PLEKHG5: variants seen among roughly 807,000 people sequenced by gnomAD.
The protein encoded by PLEKHG5 is pleckstrin homology and RhoGEF domain containing G5, also known as pleckstrin homology domain-containing family G member 5.
Under a neutral mutation model 103.8 loss-of-function variants are expected in PLEKHG5, and 52 were observed. That is an observed-to-expected ratio of 0.50 (90% confidence interval 0.40 to 0.63). PLEKHG5 has a LOEUF of 0.63. PLEKHG5 is among the 30% of genes least tolerant of loss of function. PLEKHG5 has a pLI of 0.00. For synonymous variants in PLEKHG5, 592 were observed against 575.5 expected (o/e 1.03, Z -0.41); for missense variants, 1,205 against 1,347.6 (o/e 0.89, Z 1.66).
upstream of PLEKHG5, chr1:6,520,034 G>C (rs1242125551): frequency 9.5e-6 from 2 of 210,608 alleles, no homozygotes; most frequent in Non-Finnish European, 1.9e-5. Context: ...GCCAGGCAGA[G>C]AGGGGCTGGT....
chr1:6,476,059 T>C, intron 2 of PLEKHG5, 23 bp from the exon 3 acceptor site: 1 of 1,599,356 alleles, frequency 6.3e-7, no homozygotes, highest in South Asian at 1.1e-5. Context: ...CAGGAGAGGG[T>C]TGTGCCTCCC....
At position 6,516,529 on chromosome 1, in the gene PLEKHG5, CAT is replaced by C. The variant is rs1557774535; in HGVS notation, c.-165+2914_-165+2915del. ...AAAATTAGCTGGACGTGGTGGCGGG[CAT>C]CTGTAATCCCAGCTACTGGGGAGGC... On this transcript the variant is annotated intron_variant, in intron 1 of 21. Coordinates refer to the PLEKHG5 transcript ENST00000377740. 6.6e-5 allele frequency among the ~76,000 whole-genome samples: 10 copies of C among 151,152 alleles called. No homozygotes were observed. The South Asian group carries it at 1.7e-3, about 25-fold the overall frequency.
intron 1 of PLEKHG5, chr1:6,485,434 C>T: frequency 7.7e-7 from 1 of 1,290,938 alleles, no homozygotes; most frequent in Non-Finnish European, 9.8e-7. Context: ...ACACCGGGTC[C>T]TGTCCCCATG....
chr1:6,513,979 T>C (rs1474077611), intron 1 of PLEKHG5, among the ~76,000 whole-genome samples: 1 of 152,174 alleles, frequency 6.6e-6, no homozygotes, highest in Non-Finnish European at 1.5e-5. Flanking sequence ...GAGCCTCCCA[T>C]ATGGGCCTGG....
chr1:6,516,518 G>A (rs990131210), intron 1 of PLEKHG5, among the ~76,000 whole-genome samples: 38 of 151,684 alleles, frequency 2.5e-4, no homozygotes, highest in Middle Eastern at 6.8e-3. Context: ...TTAGCTGGAC[G>A]TGGTGGCGGG....
At position 6,468,304 on chromosome 1, in the gene PLEKHG5, T is replaced by G. The variant is rs1277297144; in HGVS notation, c.2532A>C (p.Pro844=). The change falls in exon 20 of 21, where the codon CCA becomes CCC. Residue 844 remains proline, a synonymous_variant. Transcript: ENST00000377728. ...GAGGGGAAGGAACTCGTGGGGACTC[T>G]GGGGCCCGAGGCACTAGCTCTGCCA... ...GPMAELVPRA[P]ESPRVPSPPP... 2 of 1,609,418 alleles carry G rather than the reference T, an allele frequency of 1.2e-6. No homozygotes were observed. Among genetic ancestry groups the G allele is most frequent in the East Asian group, 2.2e-5 (1 of 44,742 alleles).
At chr1:6,470,939 G>GT (rs1644556096) in intron 13 of PLEKHG5, 51 bp downstream of exon 13, 4 of 1,103,050 alleles carry the variant, frequency 3.6e-6, no homozygotes, top group Non-Finnish European at 5.2e-6. Context: ...ACCCGGCCCC[G>GT]TCCAGGGTCC....
chr1:6,514,794 G>A (rs879501148), intron 1 of PLEKHG5, among the ~76,000 whole-genome samples: 4 of 150,880 alleles, frequency 2.7e-5, no homozygotes, highest in Admixed American at 6.6e-5. Context: ...TTGGCCAGCC[G>A]CGGTGGCTCA....
At chr1:6,502,512 A>G (rs1188479398) in intron 1 of PLEKHG5, among the ~76,000 whole-genome samples, 1 of 152,016 alleles carries the variant, frequency 6.6e-6, no homozygotes, top group Non-Finnish European at 1.5e-5. Flanking sequence ...GGCCCAAGAA[A>G]CTGTCCACAC....
At position 6,491,663 on chromosome 1, in the gene PLEKHG5, G is replaced by A. The variant is rs1009385957; in HGVS notation, c.-114C>T. ...TCCTGCCCGTCCCTTCTCCATGGGG[G>A]CCTCAGGTCCACCCTTTCCTCTCCC... On this transcript the variant is annotated 5_prime_UTR_variant, in exon 1 of 21. Transcript: ENST00000377728. The surrounding 1 kb of genome is among the most constrained non-coding windows in gnomAD (Gnocchi z 4.1). 1.1e-5 allele frequency: 11 copies of A among 985,314 alleles called. No individual in the cohort carries two copies. Among genetic ancestry groups the A allele is most frequent in the Non-Finnish European group, 1.1e-5 (9 of 830,010 alleles). 61.0% of individuals were successfully genotyped at this position (985,314 alleles called of 1,614,324 possible).
chr1:6,474,949 C>A, intron 5 of PLEKHG5, 98 bp downstream of exon 5: 2 of 838,786 alleles, frequency 2.4e-6, no homozygotes, highest in Non-Finnish European at 4.2e-6. Context: ...GGCCACCACA[C>A]AGACACACAC....
At chr1:6,496,687 G>C in exon 1 of PLEKHG5, 2 of 679,266 alleles carry the variant, frequency 2.9e-6, no homozygotes, top group Non-Finnish European at 4.7e-6. Flanking sequence ...TTCAAAAGAG[G>C]TCAGCGTCCC....
In PLEKHG5 at chr1:6,467,259, G is replaced by T; in HGVS notation, c.*304C>A. On this transcript the variant is annotated 3_prime_UTR_variant, in exon 21 of 21. Coordinates refer to ENST00000377728, the MANE Select transcript of PLEKHG5 (RefSeq NM_020631.6). ...CAGGAGTGAATCCCACTGGAGGCCA[G>T]TGAGGGTAGAAGTAGGATGGGCAGC... 1 of 553,046 alleles carries T rather than the reference G, an allele frequency of 1.8e-6. No individual in the cohort carries two copies. The highest frequency in any genetic ancestry group is 3.3e-6 in the Non-Finnish European group (1 of 303,882). 34.3% of individuals were successfully genotyped at this position (553,046 alleles called of 1,614,324 possible).
In PLEKHG5 at chr1:6,505,292, A is replaced by ATGCCGACCAGCCTACGG. The variant is rs1638280650; in HGVS notation, c.-164-8740_-164-8724dup. On this transcript the variant is annotated intron_variant, in intron 1 of 21. Coordinates refer to the PLEKHG5 transcript ENST00000377740. This position sits in a 1 kb window ranked among gnomAD's most constrained non-coding sequence, Gnocchi z 4.2. ...AGCCTACAGTACCGACCAGCCCACG[A>ATGCCGACCAGCCTACGG]TGCCGACCAGCCTACGGTGCCGACC... Among the ~76,000 whole-genome samples the ATGCCGACCAGCCTACGG allele has an allele frequency of 6.6e-6, 1 of 151,840 alleles. No individual in the cohort carries two copies. The highest frequency in any genetic ancestry group is 1.5e-5 in the Non-Finnish European group (1 of 67,946).
intron 1 of PLEKHG5, among the ~76,000 whole-genome samples, chr1:6,504,313 C>T (rs904051001): frequency 1.6e-4 from 25 of 152,164 alleles, no homozygotes; most frequent in African/African-American, 5.1e-4. Context: ...TGCTGCCTCC[C>T]GCATCCCCAC....
chr1:6,470,730 G>T lies in PLEKHG5; in HGVS notation c.1542+5C>A. On this transcript the variant is annotated splice_donor_5th_base_variant and intron_variant, in intron 14 of 20. Transcript: ENST00000377728. ...GGGACGGCTCCCGCTGGCCATCAGGGTTACCATGGCGACGACGGCCTCCTT... is the reference window on the plus strand; with the variant it reads ...GGGACGGCTCCCGCTGGCCATCAGGTTTACCATGGCGACGACGGCCTCCTT... 6.4e-7 allele frequency: 1 copy of T among 1,555,832 alleles called. No individual in the cohort carries two copies.
intron 1 of PLEKHG5, among the ~76,000 whole-genome samples, chr1:6,513,862 TC>T (rs1191167462): frequency 6.6e-6 from 1 of 152,192 alleles, no homozygotes; most frequent in East Asian, 1.9e-4. Flanking sequence ...CAAGGGCCCT[TC>T]CCCGCTAAGC....
At chr1:6,468,937 G>T in intron 19 of PLEKHG5, 105 bp downstream of exon 19, 2 of 985,108 alleles carry the variant, frequency 2.0e-6, no homozygotes, top group South Asian at 1.3e-5. Flanking sequence ...CAGTGTTCAT[G>T]ACAAGAGGCC....
rs372405586 is a variant in PLEKHG5, at chr1:6,475,486, C to A, written c.186G>T (p.Lys62Asn). Reference sequence around the variant, plus strand: ...CATCCGTGTGTCTCCTCCTTGCTTTCTTCTTGGAGAGTTTCAGGCCTGTGC... The same window carrying A: ...CATCCGTGTGTCTCCTCCTTGCTTTATTCTTGGAGAGTTTCAGGCCTGTGC... ...RKSTGLKLSK[K>N]KARRRHTDDP... The change falls in exon 4 of 21, where the codon AAG becomes AAT. Residue 62 changes from lysine to asparagine, a missense_variant. Lys to Asn is a moderately conservative substitution (Grantham distance 94, BLOSUM62 0). Transcript: ENST00000377728. 1 of 1,613,564 alleles carries A rather than the reference C, an allele frequency of 6.2e-7. No individual in the cohort carries two copies. The highest frequency in any genetic ancestry group is 1.1e-5 in the South Asian group (1 of 91,066).
Sources: gnomAD v4.1 joint callset for allele counts (sites outside exome capture counted in the v4.1 genomes callset) on GRCh38, gnomAD v4.1.1 for gene constraint, Gnocchi (gnomAD v3.1) non-coding constraint, MANE v1.5 for transcripts, NCBI Gene and HGNC (gene_info 2026-07-23, HGNC 2026-07-21) for gene names.